The following PROX1 variants were observed in gnomAD, a reference collection of about 807,000 sequenced individuals.
PROX1 encodes prospero homeobox protein 1.
In PROX1, 7 loss-of-function variants were observed where a neutral mutation model predicts 58.8. The observed-to-expected ratio is 0.12, with a 90% CI of 0.07 to 0.22. PROX1 has a LOEUF of 0.22. PROX1 is among the 10% of genes least tolerant of loss of function. The pLI, the probability that PROX1 is intolerant of heterozygous loss-of-function variation, is 1.00. For missense variants in PROX1, 675 were observed against 927.8 expected (o/e 0.73, Z 3.54); for synonymous variants, 350 against 358.3 (o/e 0.98, Z 0.26).
At chr1:214,015,378 T>C (rs1170202252) in intron 4 of PROX1, among the ~76,000 whole-genome samples, 1 of 152,050 alleles carries the variant, frequency 6.6e-6, no homozygotes, top group African/African-American at 2.4e-5. Flanking sequence ...TGTGATGGTA[T>C]ATATTTCTAT....
intron 4 of PROX1, among the ~76,000 whole-genome samples, chr1:214,033,706 G>A (rs1245870762): frequency 1.3e-5 from 2 of 152,210 alleles, no homozygotes; most frequent in South Asian, 2.1e-4. Context: ...CTGTTCTCCA[G>A]CCACATTCCC....
intron 4 of PROX1, among the ~76,000 whole-genome samples, chr1:214,015,106 A>G (rs1267307193): frequency 1.3e-5 from 2 of 152,146 alleles, no homozygotes; most frequent in Non-Finnish European, 2.9e-5. Context: ...AATTCTTGGC[A>G]CGGTGTGCAG....
chr1:214,014,758 A>G (rs1464680198), intron 4 of PROX1, among the ~76,000 whole-genome samples: 2 of 152,086 alleles, frequency 1.3e-5, no homozygotes, highest in African/African-American at 4.8e-5. Context: ...CTTCACTACT[A>G]CTTTATTCCT....
chr1:214,038,297 T>C lies in PROX1; in HGVS notation c.*2463T>C, dbSNP rs1664894971. The C allele has an allele frequency of 6.6e-6, 1 of 152,196 alleles. No homozygotes were observed. The highest frequency in any genetic ancestry group is 2.1e-4 in the South Asian group (1 of 4,830). 9.4% of individuals were successfully genotyped at this position (152,196 alleles called of 1,614,324 possible). ...AGAACTTTATCACTATGCTTTCCGG[T>C]GGTTTTCCCTTTTACAATCGAAATC... is the stretch of plus-strand genomic sequence containing the variant. On this transcript the variant is annotated 3_prime_UTR_variant, in exon 5 of 5. Coordinates refer to ENST00000366958, the MANE Select transcript of PROX1 (RefSeq NM_001270616.2).
At position 214,035,688 on chromosome 1, in the gene PROX1, C is replaced by T. The variant is rs763106160; in HGVS notation, c.2068C>T (p.Arg690Trp). Reference protein sequence around the residue: ...RFLEVAQITLREFFNAIIAGK... With the variant: ...RFLEVAQITLWEFFNAIIAGK... ...CCTGGAAGTTGCTCAGATCACATTA[C>T]GGGAGTTTTTCAATGCCATTATCGC... The change falls in exon 5 of 5, where the codon CGG (arginine) becomes TGG (tryptophan). Residue 690 changes from arginine (R) to tryptophan (W), a missense_variant. Physicochemically the swap from Arg to Trp is moderately radical, Grantham distance 101. This residue lies in a region of PROX1 where 50 missense variants were observed against 79.3 expected (regional missense o/e 0.63). Coordinates refer to ENST00000366958, the MANE Select transcript of PROX1 (RefSeq NM_001270616.2). 6 of 1,613,748 alleles carry T rather than the reference C, an allele frequency of 3.7e-6. No individual in the cohort carries two copies. Among genetic ancestry groups the T allele is most frequent in the East Asian group, 2.2e-5 (1 of 44,870 alleles).
At chr1:213,998,397 G>A (rs1663367879) in intron 2 of PROX1, 137 bp downstream of exon 2, 2 of 1,095,484 alleles carry the variant, frequency 1.8e-6, no homozygotes, top group East Asian at 5.2e-5. Flanking sequence ...CAAAGGAATA[G>A]GCTTTTATCA....
chr1:213,988,662 A>G (rs1217672542), intron 1 of PROX1, 179 bp downstream of exon 1: 3 of 152,118 alleles, frequency 2.0e-5, no homozygotes, highest in Non-Finnish European at 4.4e-5. Context: ...TAGCCTCTAA[A>G]CAGTTTCTAA....
chr1:214,018,966 T>C (rs1359403667), intron 4 of PROX1, among the ~76,000 whole-genome samples: 2 of 152,204 alleles, frequency 1.3e-5, no homozygotes, highest in Non-Finnish European at 2.9e-5. Context: ...GACACTAGTG[T>C]AGCCAAGTTC....
chr1:214,024,248 T>C (rs893396947), intron 4 of PROX1, among the ~76,000 whole-genome samples: 25 of 152,250 alleles, frequency 1.6e-4, no homozygotes, highest in Non-Finnish European at 3.4e-4. Context: ...TCACAAGCTC[T>C]TAAGTAGCAT....
intron 4 of PROX1, among the ~76,000 whole-genome samples, chr1:214,027,129 T>C (rs958361182): frequency 6.6e-6 from 1 of 152,130 alleles, no homozygotes; most frequent in Non-Finnish European, 1.5e-5. Flanking sequence ...TGCAACTCTT[T>C]CCGTCTGGCT....
At chr1:213,998,303 AG>A (rs750459619) in intron 2 of PROX1, 43 bp downstream of exon 2, 4 of 1,512,678 alleles carry the variant, frequency 2.6e-6, no homozygotes, top group Non-Finnish European at 3.5e-6. Flanking sequence ...AAACCAAAAA[AG>A]GTTTCCCAAA....
chr1:213,989,165 G>A (rs1353675377), intron 1 of PROX1, among the ~76,000 whole-genome samples: 1 of 151,986 alleles, frequency 6.6e-6, no homozygotes, highest in African/African-American at 2.4e-5. Flanking sequence ...AGGTGGGGGG[G>A]CGCTCTGTTA....
rs560863520 is a variant in PROX1 at position 214,031,794 on chromosome 1, G to C, written c.2029-3855G>C. On this transcript the variant is annotated intron_variant, in intron 4 of 4. Transcript: ENST00000366958. ...CCTATTATTCTGTTAAATGGAGCTG[G>C]GTGTTTTCAAGCAGAGGTAAAGGTC... 2.6e-5 allele frequency among the ~76,000 whole-genome samples: 4 copies of C among 152,164 alleles called. No homozygotes were observed. In the South Asian group the frequency reaches 8.3e-4, roughly 32 times the overall value.
In PROX1 at chr1:214,039,797, G is replaced by GCACACA. The variant is rs1558194130; in HGVS notation, c.*3965_*3966insCACACA. 3 of 141,794 alleles carry GCACACA rather than the reference G, an allele frequency of 2.1e-5. No individual in the cohort carries two copies. The highest frequency in any genetic ancestry group is 8.4e-5 in the African/African-American group (3 of 35,592). 8.8% of individuals were successfully genotyped at this position (141,794 alleles called of 1,614,324 possible). A position where few individuals can be genotyped will look rare whatever the true frequency, so the allele number is the denominator to read the frequency against. ...CCCCCCTTCCCATGCGCACATGTGC[G>GCACACA]CATACACACACACACACACACACAC... On this transcript the variant is annotated 3_prime_UTR_variant, in exon 5 of 5. Coordinates refer to ENST00000366958, the MANE Select transcript of PROX1 (RefSeq NM_001270616.2).
At chr1:214,020,765 C>A (rs1468365301) in intron 4 of PROX1, among the ~76,000 whole-genome samples, 1 of 152,128 alleles carries the variant, frequency 6.6e-6, no homozygotes, top group Non-Finnish European at 1.5e-5. Context: ...TAAATGTCTC[C>A]ATCTTTGAGC....
At chr1:213,985,913 T>C (rs340874), upstream of PROX1, 62,279 of 151,950 alleles carry the variant, frequency 0.41, 14,774 homozygotes, top group Non-Finnish European at 0.54. Flanking sequence ...GAAAGGTATA[T>C]AGCCCTTACT....
At position 213,997,858 on chromosome 1, in the gene PROX1, G is replaced by T; in HGVS notation, c.1323G>T (p.Leu441=). 1 of 1,613,634 alleles carries T rather than the reference G, an allele frequency of 6.2e-7. No individual in the cohort carries two copies. Among genetic ancestry groups the T allele is most frequent in the Non-Finnish European group, 8.5e-7 (1 of 1,179,736 alleles). ...SSTDQTEALP[L]VVRKNSSDQS... Reference sequence around the variant, plus strand: ...CTGACCAGACAGAAGCACTGCCCCTGGTTGTCCGCAAAAACTCCTCTGACC... The same window carrying T: ...CTGACCAGACAGAAGCACTGCCCCTTGTTGTCCGCAAAAACTCCTCTGACC... The change falls in exon 2 of 5, where the codon CTG becomes CTT. Residue 441 remains leucine (L), a synonymous_variant. Coordinates refer to ENST00000366958, the MANE Select transcript of PROX1 (RefSeq NM_001270616.2). The surrounding 1 kb of genome is among the most constrained non-coding windows in gnomAD (Gnocchi z 7.1).
At position 214,015,523 on chromosome 1, in the gene PROX1, C is replaced by T. The variant is rs568806735; in HGVS notation, c.2028+3808C>T. Among the ~76,000 whole-genome samples the T allele has an allele frequency of 5.3e-5, 8 of 151,958 alleles. No individual in the cohort carries two copies. In the South Asian group the frequency reaches 1.3e-3, roughly 24 times the overall value. On this transcript the variant is annotated intron_variant, in intron 4 of 4. Coordinates refer to ENST00000366958, the MANE Select transcript of PROX1 (RefSeq NM_001270616.2). ...TAGGGGCGTATGAGTTGGATTTTAT[C>T]GCTTTTGTTGTTTTCCTCACAACTG... is the stretch of plus-strand genomic sequence containing the variant.
At chr1:214,034,566 A>T (rs1474126322) in intron 4 of PROX1, among the ~76,000 whole-genome samples, 1 of 152,182 alleles carries the variant, frequency 6.6e-6, no homozygotes, top group Non-Finnish European at 1.5e-5. Context: ...TGGTGTGGGG[A>T]TAGATAGACC....
Sources: allele counts gnomAD v4.1 joint callset (sites outside exome capture counted in the v4.1 genomes callset), GRCh38; gene constraint gnomAD v4.1.1; regional missense constraint gnomAD v4.1.1; non-coding constraint Gnocchi (gnomAD v3.1); transcripts MANE v1.5; gene names NCBI Gene and HGNC (gene_info 2026-07-23, HGNC 2026-07-21).